The following ADAMTSL1 variants were observed in gnomAD, a reference collection of about 807,000 sequenced individuals.
The protein encoded by ADAMTSL1 is ADAMTS-like protein 1.
ADAMTSL1 carries 126 observed loss-of-function variants against 201.8 expected under a neutral mutation model. The observed-to-expected ratio is 0.62, with a 90% confidence interval of 0.54 to 0.72. The LOEUF (loss-of-function observed/expected upper bound fraction) is 0.72. Ranked by LOEUF, ADAMTSL1 falls within the 30% of genes least tolerant of loss-of-function variation. ADAMTSL1 has a pLI of 0.00. For synonymous variants in ADAMTSL1, 1,121 were observed against 903.4 expected, an observed-to-expected ratio of 1.24 and a Z score of -4.32; for missense variants, 2,679 against 2,277.8, an observed-to-expected ratio of 1.18 and a Z score of -3.59.
intron 22 of ADAMTSL1, among the ~76,000 whole-genome samples, chr9:18,826,918 T>A (rs939990948): frequency 6.6e-6 from 1 of 152,218 alleles, no homozygotes; most frequent in African/African-American, 2.4e-5. Context: ...AGGAAGCTTA[T>A]GGTCTGGTCC....
chr9:18,863,671 C>A (rs927489803), intron 23 of ADAMTSL1, among the ~76,000 whole-genome samples: 1 of 152,116 alleles, frequency 6.6e-6, no homozygotes, highest in Non-Finnish European at 1.5e-5. Context: ...GGTGCCAGCT[C>A]CCACTCCTTC....
intron 2 of ADAMTSL1, among the ~76,000 whole-genome samples, chr9:18,345,001 C>A (rs904818598): frequency 2.0e-5 from 3 of 152,126 alleles, no homozygotes; most frequent in African/African-American, 7.2e-5. Flanking sequence ...ATGGTCCTGG[C>A]TTCCGACAAA....
chr9:17,921,896 T>C (rs1455815788), intron 1 of ADAMTSL1, among the ~76,000 whole-genome samples: 2 of 152,182 alleles, frequency 1.3e-5, no homozygotes, highest in African/African-American at 4.8e-5. Flanking sequence ...CATTCTCTGT[T>C]GAAGTAAACA....
At chr9:18,473,445 A>C (rs571061249), upstream of ADAMTSL1, among the ~76,000 whole-genome samples, 58 of 152,290 alleles carry the variant, frequency 3.8e-4, no homozygotes, top group African/African-American at 1.4e-3. Flanking sequence ...AATGCCTTCA[A>C]TTGTCACTTT....
chr9:18,007,235 G>A (rs1007974289), intron 1 of ADAMTSL1, among the ~76,000 whole-genome samples: 3 of 151,896 alleles, frequency 2.0e-5, no homozygotes, highest in African/African-American at 7.2e-5. Flanking sequence ...ATGGAACATT[G>A]GTATTTTGTG....
chr9:18,548,531 A>G (rs1166564990), intron 3 of ADAMTSL1, among the ~76,000 whole-genome samples: 25 of 152,068 alleles, frequency 1.6e-4, no homozygotes, highest in Admixed American at 1.6e-3. Context: ...AACAATCTCT[A>G]CAAGGAGTGT....
chr9:18,007,961 T>C (rs931084371), intron 1 of ADAMTSL1, among the ~76,000 whole-genome samples: 1 of 152,028 alleles, frequency 6.6e-6, no homozygotes, highest in Non-Finnish European at 1.5e-5. Flanking sequence ...ACACATAATC[T>C]GAAGTAATCA....
chr9:18,502,158 T>A (rs953596654), intron 1 of ADAMTSL1, among the ~76,000 whole-genome samples: 3 of 152,212 alleles, frequency 2.0e-5, no homozygotes, highest in African/African-American at 7.2e-5. Context: ...GAATGCTGCG[T>A]GTGGATTTTC....
rs1351025586 is a variant in ADAMTSL1 at position 18,438,044 on chromosome 9, G to A, written c.208-66785G>A. 2.6e-5 allele frequency among the ~76,000 whole-genome samples: 4 copies of A among 152,126 alleles called. 1 individual carries two copies. ...AAGGTCACTCTTGAGTCAGTGAGGA[G>A]CCAGGGAACTTTTGTTAACGCGTGC... On this transcript the variant is annotated intron_variant, in intron 2 of 29. Transcript: ENST00000680146.
At chr9:18,003,529 C>T (rs1054389937) in intron 1 of ADAMTSL1, among the ~76,000 whole-genome samples, 1 of 152,052 alleles carries the variant, frequency 6.6e-6, no homozygotes, top group African/African-American at 2.4e-5. Context: ...TGTTTTACTG[C>T]AACATGAATC....
chr9:18,685,701 T>A (rs1245138401), intron 13 of ADAMTSL1, among the ~76,000 whole-genome samples: 1 of 152,252 alleles, frequency 6.6e-6, no homozygotes, highest in East Asian at 1.9e-4. Context: ...TAAATTAACG[T>A]TGCAACCTAT....
intron 2 of ADAMTSL1, among the ~76,000 whole-genome samples, chr9:18,413,506 T>C (rs929441144): frequency 6.6e-6 from 1 of 152,216 alleles, no homozygotes; most frequent in Non-Finnish European, 1.5e-5. Flanking sequence ...ATCTACCGAT[T>C]CTGTGTCTGT....
intron 2 of ADAMTSL1, among the ~76,000 whole-genome samples, chr9:18,235,912 G>A (rs1031213257): frequency 6.6e-6 from 1 of 152,168 alleles, no homozygotes; most frequent in African/African-American, 2.4e-5. Context: ...TTTTACCATT[G>A]ATTGTTCATT....
chr9:18,072,592 C>T (rs1823018165), intron 1 of ADAMTSL1, among the ~76,000 whole-genome samples: 1 of 152,194 alleles, frequency 6.6e-6, no homozygotes, highest in East Asian at 1.9e-4. Flanking sequence ...TTCTATCTCA[C>T]AAATAATGTT....
chr9:18,195,494 A>G (rs571347482), intron 2 of ADAMTSL1, among the ~76,000 whole-genome samples: 1 of 152,286 alleles, frequency 6.6e-6, no homozygotes, highest in East Asian at 1.9e-4. Flanking sequence ...AGGACTGGGA[A>G]CAAACACAAG....
At position 18,860,335 on chromosome 9, in the gene ADAMTSL1, T is replaced by C. The variant is rs551953869; in HGVS notation, c.4250-27496T>C. ...CATACCCTCGACCAGGGGTTGGTCC[T>C]GAAGGCAAGTCTAGACCACCACCCC... On this transcript the variant is annotated intron_variant, in intron 23 of 28. Transcript: ENST00000380548. Among the ~76,000 whole-genome samples the C allele has an allele frequency of 1.9e-3, 283 of 152,344 alleles. 3 individuals are homozygous for C. The highest frequency in any genetic ancestry group is 6.7e-3 in the African/African-American group (277 of 41,576).
chr9:18,740,234 C>T (rs892997357), intron 15 of ADAMTSL1, among the ~76,000 whole-genome samples: 3 of 151,996 alleles, frequency 2.0e-5, no homozygotes, highest in Non-Finnish European at 2.9e-5. Flanking sequence ...CAGCACTCAG[C>T]GGATTAGGGG....
chr9:18,521,383 C>T (rs1333886617), intron 2 of ADAMTSL1, among the ~76,000 whole-genome samples: 1 of 151,712 alleles, frequency 6.6e-6, no homozygotes, highest in Admixed American at 6.6e-5. Flanking sequence ...GATTATTATG[C>T]ATTGCATGCC....
intron 3 of ADAMTSL1, among the ~76,000 whole-genome samples, chr9:18,552,094 A>G (rs1820828808): frequency 6.6e-6 from 1 of 151,548 alleles, no homozygotes; most frequent in Non-Finnish European, 1.5e-5. Flanking sequence ...TGGTTTTTAT[A>G]TTTTCCACTT....
Sources: gnomAD v4.1 joint callset for allele counts (sites outside exome capture counted in the v4.1 genomes callset) on GRCh38, gnomAD v4.1.1 for gene constraint, MANE v1.5 for transcripts, NCBI Gene and HGNC (gene_info 2026-07-23, HGNC 2026-07-21) for gene names.